GRM7: variants seen among roughly 807,000 people sequenced by gnomAD.
GRM7 encodes metabotropic glutamate receptor 7.
Under a neutral mutation model 84.5 loss-of-function variants are expected in GRM7, and 35 were observed. That is an observed-to-expected ratio of 0.41 (90% CI 0.32 to 0.55). The LOEUF (loss-of-function observed/expected upper bound fraction) is 0.55. Ranked by LOEUF, GRM7 falls within the 20% of genes least tolerant of loss-of-function variation. The pLI is 0.19. For synonymous variants in GRM7, 487 were observed against 455.1 expected, an observed-to-expected ratio of 1.07 and a Z score of -0.89; for missense variants, 1,003 against 1,194.6, an observed-to-expected ratio of 0.84 and a Z score of 2.36.
intron 4 of GRM7, among the ~76,000 whole-genome samples, chr3:7,357,245 A>T (rs1266408644): frequency 2.6e-5 from 4 of 151,988 alleles, no homozygotes; most frequent in Admixed American, 6.6e-5. Context: ...AAAACAAAAA[A>T]GTATTTTTTT....
chr3:7,125,238 C>G (rs1693359842), intron 1 of GRM7, among the ~76,000 whole-genome samples: 1 of 152,142 alleles, frequency 6.6e-6, no homozygotes, highest in African/African-American at 2.4e-5. Context: ...CATGCCCGGC[C>G]TAATAGTTTT....
At chr3:7,428,894 A>G (rs1454174983) in intron 5 of GRM7, among the ~76,000 whole-genome samples, 1 of 152,210 alleles carries the variant, frequency 6.6e-6, no homozygotes, top group African/African-American at 2.4e-5. Flanking sequence ...TTCGTATCCT[A>G]TCGTTTGCAG....
chr3:7,566,115 T>C (rs917455162), intron 7 of GRM7, among the ~76,000 whole-genome samples: 6 of 40,714 alleles, frequency 1.5e-4, no homozygotes, highest in African/African-American at 3.3e-4. Flanking sequence ...TTTTTTTTTT[T>C]TTTTTTTTTT....
chr3:7,142,866 C>G (rs568569192), intron 1 of GRM7, among the ~76,000 whole-genome samples: 31 of 152,138 alleles, frequency 2.0e-4, no homozygotes, highest in South Asian at 1.5e-3. Context: ...ATTTGAAACT[C>G]ATTAACAAAA....
intron 2 of GRM7, among the ~76,000 whole-genome samples, chr3:7,183,295 G>A (rs529221791): frequency 1.3e-5 from 2 of 152,286 alleles, no homozygotes; most frequent in Non-Finnish European, 2.9e-5. Context: ...AATAACTCAT[G>A]CCTTTAGCAT....
At chr3:7,159,430 A>C (rs901706611) in intron 2 of GRM7, among the ~76,000 whole-genome samples, 1 of 152,162 alleles carries the variant, frequency 6.6e-6, no homozygotes, top group Non-Finnish European at 1.5e-5. Flanking sequence ...TTTCCCCCAG[A>C]GTGAAAGAGA....
Position 7,578,936 on chromosome 3 carries a change from C to T in GRM7, c.2030C>T (p.Thr677Ile). 1 of 1,614,146 alleles carries T rather than the reference C, an allele frequency of 6.2e-7. No homozygotes were observed. The highest frequency in any genetic ancestry group is 1.3e-5 in the African/African-American group (1 of 75,006). ...CISYAALLTK[T>I]NRIYRIFEQG... ...AGTTATGCAGCCCTCTTGACGAAAA[C>T]AAATCGGATTTATCGCATATTTGAG... Residue 677 changes from threonine to isoleucine, a missense_variant, in exon 8 of 10, where the codon ACA becomes ATA. Thr to Ile is a moderately conservative substitution (Grantham distance 89). Coordinates refer to ENST00000357716, the MANE Select transcript of GRM7 (RefSeq NM_000844.4).
intron 2 of GRM7, among the ~76,000 whole-genome samples, chr3:7,155,493 C>T (rs1206223366): frequency 6.6e-6 from 1 of 151,890 alleles, no homozygotes; most frequent in East Asian, 1.9e-4. Flanking sequence ...CGGAATTAGT[C>T]AAATGGAGAG....
chr3:7,098,471 A>G (rs1698932568), intron 1 of GRM7, among the ~76,000 whole-genome samples: 1 of 152,026 alleles, frequency 6.6e-6, no homozygotes. Context: ...GAAATGTCCA[A>G]CAACAGCAAA....
chr3:7,684,953 C>T (rs1487696876), intron 9 of GRM7, among the ~76,000 whole-genome samples: 2 of 152,180 alleles, frequency 1.3e-5, no homozygotes, highest in Non-Finnish European at 2.9e-5. Context: ...CATGATGATG[C>T]CTTCTCACAT....
Position 6,933,533 on chromosome 3 carries a change from C to T in GRM7, c.519+71626C>T, listed in dbSNP as rs116171716. On this transcript the variant is annotated intron_variant, in intron 1 of 9. Coordinates refer to ENST00000357716, the MANE Select transcript of GRM7 (RefSeq NM_000844.4). ...GTCAACTCCTATTGTATTTGAAATACGGGAGGACATTGATATAAAATGCAA... is the reference window on the plus strand; with the variant it reads ...GTCAACTCCTATTGTATTTGAAATATGGGAGGACATTGATATAAAATGCAA... Among the ~76,000 whole-genome samples, 392 of 152,104 alleles carry T rather than the reference C, an allele frequency of 2.6e-3. 1 individual carries two copies. Among genetic ancestry groups the T allele is most frequent in the African/African-American group, 8.3e-3 (346 of 41,514 alleles).
chr3:7,156,184 G>T (rs1694443049), intron 2 of GRM7, among the ~76,000 whole-genome samples: 1 of 152,162 alleles, frequency 6.6e-6, no homozygotes, highest in Non-Finnish European at 1.5e-5. Context: ...GAAACAAAAA[G>T]ATCATGAGAG....
chr3:6,941,329 A>G (rs1232777694), intron 1 of GRM7, among the ~76,000 whole-genome samples: 1 of 152,166 alleles, frequency 6.6e-6, no homozygotes, highest in East Asian at 1.9e-4. Context: ...TTCTTTATCT[A>G]CACTGAACCT....
intron 1 of GRM7, among the ~76,000 whole-genome samples, chr3:7,105,782 T>G (rs1024248358): frequency 6.6e-6 from 1 of 151,854 alleles, no homozygotes; most frequent in Non-Finnish European, 1.5e-5. Flanking sequence ...AAAAGATAAA[T>G]TTAAATTATT....
chr3:7,164,449 A>G (rs1437033707), intron 2 of GRM7, among the ~76,000 whole-genome samples: 2 of 152,226 alleles, frequency 1.3e-5, no homozygotes, highest in African/African-American at 2.4e-5. Flanking sequence ...GGAACAAAGA[A>G]TGCTAAGACT....
chr3:7,524,010 G>GTCTTGCTCT (rs1700698129), intron 7 of GRM7, among the ~76,000 whole-genome samples: 6 of 152,100 alleles, frequency 3.9e-5, no homozygotes, highest in African/African-American at 1.4e-4. Context: ...TGCTCCTAGA[G>GTCTTGCTCT]AGATCACGGA....
intron 1 of GRM7, among the ~76,000 whole-genome samples, chr3:6,929,787 G>A (rs1470656165): frequency 6.6e-6 from 1 of 152,192 alleles, no homozygotes; most frequent in Non-Finnish European, 1.5e-5. Flanking sequence ...CTGGAGGTGT[G>A]TAGGGAAGGT....
At chr3:7,664,759 T>A (rs1488663823) in intron 8 of GRM7, among the ~76,000 whole-genome samples, 1 of 152,174 alleles carries the variant, frequency 6.6e-6, no homozygotes, top group Non-Finnish European at 1.5e-5. Flanking sequence ...GAAAGAAAAT[T>A]ATAAAGATAC....
At chr3:7,106,890 C>T (rs1692669393) in intron 1 of GRM7, among the ~76,000 whole-genome samples, 1 of 152,004 alleles carries the variant, frequency 6.6e-6, no homozygotes, top group African/African-American at 2.4e-5. Context: ...TAACATCTAG[C>T]AAATGAGAAG....
Sources: allele counts gnomAD v4.1 joint callset (sites outside exome capture counted in the v4.1 genomes callset), GRCh38; gene constraint gnomAD v4.1.1; transcripts MANE v1.5; gene names NCBI Gene and HGNC (gene_info 2026-07-23, HGNC 2026-07-21).